The following LUZP2 variants were observed in gnomAD, a reference collection of about 807,000 sequenced individuals.
LUZP2 encodes leucine zipper protein 2.
In LUZP2, 52 loss-of-function variants were observed where a neutral mutation model predicts 51.6. The observed-to-expected ratio is 1.01, with a 90% CI of 0.81 to 1.27. The LOEUF is 1.27. Among genes scored for constraint, LUZP2 ranks in the 50% most tolerant of loss-of-function variants. The pLI is 0.00. For missense variants in LUZP2, 436 were observed against 395.4 expected, an observed-to-expected ratio of 1.10 and a Z score of -0.87; for synonymous variants, 154 against 137.3, an observed-to-expected ratio of 1.12 and a Z score of -0.85.
At chr11:24,984,549 T>TATATATATATATATATA (rs60530495) in intron 9 of LUZP2, among the ~76,000 whole-genome samples, 32 of 71,184 alleles carry the variant, frequency 4.5e-4, no homozygotes, top group African/African-American at 5.3e-4. Context: ...TATATATATA[T>TATATATATATATATATA]AATTGTGAAT....
intron 1 of LUZP2, among the ~76,000 whole-genome samples, chr11:24,704,038 A>T (rs1456434929): frequency 5.3e-5 from 8 of 152,206 alleles, no homozygotes. Flanking sequence ...CCAAAATAAA[A>T]CTTAATAAAA....
chr11:24,927,650 T>A (rs920996730), intron 7 of LUZP2, among the ~76,000 whole-genome samples: 2 of 152,088 alleles, frequency 1.3e-5, no homozygotes, highest in Non-Finnish European at 2.9e-5. Context: ...GGCCTTAGAG[T>A]ATAGTTTGAA....
intron 4 of LUZP2, among the ~76,000 whole-genome samples, chr11:24,749,341 A>G (rs1006430639): frequency 6.6e-6 from 1 of 152,150 alleles, no homozygotes; most frequent in Admixed American, 6.5e-5. Flanking sequence ...TTGTTTTCCC[A>G]CTAGGAGCCT....
At chr11:24,519,467 A>G (rs1269466065) in intron 1 of LUZP2, among the ~76,000 whole-genome samples, 1 of 152,226 alleles carries the variant, frequency 6.6e-6, no homozygotes, top group Non-Finnish European at 1.5e-5. Flanking sequence ...TTTGTGCTGA[A>G]GTCAATTAAA....
At chr11:25,024,516 G>C (rs1296729502) in intron 9 of LUZP2, among the ~76,000 whole-genome samples, 2 of 152,064 alleles carry the variant, frequency 1.3e-5, no homozygotes, top group Non-Finnish European at 2.9e-5. Context: ...GACAAACAGA[G>C]AGCCAAATCA....
chr11:24,701,319 A>G (rs1015665472), intron 1 of LUZP2: 1 of 167,038 alleles, frequency 6.0e-6, no homozygotes, highest in African/African-American at 2.4e-5. Context: ...CAGTAAAGGA[A>G]TAACTCAAGA....
At chr11:24,897,932 A>C (rs1006699658) in intron 5 of LUZP2, among the ~76,000 whole-genome samples, 1 of 152,164 alleles carries the variant, frequency 6.6e-6, no homozygotes, top group Non-Finnish European at 1.5e-5. Flanking sequence ...GAAGAGAATA[A>C]CATAGTGAAA....
intron 7 of LUZP2, among the ~76,000 whole-genome samples, chr11:24,949,055 C>A (rs976178277): frequency 6.6e-6 from 1 of 151,556 alleles, no homozygotes; most frequent in Non-Finnish European, 1.5e-5. Context: ...CCTCAAAACT[C>A]AGTGCTGTAT....
chr11:25,074,012 GCTAAAACATAAAGCAAAGT>G (rs1424152043), intron 10 of LUZP2, among the ~76,000 whole-genome samples: 1 of 152,156 alleles, frequency 6.6e-6, no homozygotes, highest in East Asian at 1.9e-4. Context: ...AAGTATCAGA[GCTAAAACATAAAGCAAAGT>G]CTATTTCACT....
intron 9 of LUZP2, among the ~76,000 whole-genome samples, chr11:25,002,861 G>T (rs908696255): frequency 3.3e-5 from 5 of 152,084 alleles, no homozygotes; most frequent in African/African-American, 1.2e-4. Flanking sequence ...TACTAGATAA[G>T]TATTTGCCCT....
intron 1 of LUZP2, among the ~76,000 whole-genome samples, chr11:24,599,058 GC>G (rs1853538167): frequency 6.6e-6 from 1 of 152,120 alleles, no homozygotes; most frequent in African/African-American, 2.4e-5. Context: ...TTTCCCTGGT[GC>G]TGTACTAATT....
chr11:24,597,188 G>A (rs1036274692), intron 1 of LUZP2, among the ~76,000 whole-genome samples: 2 of 152,146 alleles, frequency 1.3e-5, no homozygotes, highest in Non-Finnish European at 2.9e-5. Flanking sequence ...ATATGTATAA[G>A]CATGTGTATA....
chr11:24,869,022 G>A (rs1323500245), intron 5 of LUZP2, among the ~76,000 whole-genome samples: 1 of 152,126 alleles, frequency 6.6e-6, no homozygotes, highest in East Asian at 1.9e-4. Flanking sequence ...ATCTTTGCCA[G>A]GAGTTTTTGG....
At chr11:24,651,776 C>T (rs1343739530) in intron 1 of LUZP2, among the ~76,000 whole-genome samples, 1 of 152,028 alleles carries the variant, frequency 6.6e-6, no homozygotes, top group African/African-American at 2.4e-5. Context: ...GGTAGGCCTC[C>T]TCCAATCAGT....
chr11:24,816,327 C>T (rs1450315049), intron 5 of LUZP2, among the ~76,000 whole-genome samples: 1 of 151,646 alleles, frequency 6.6e-6, no homozygotes, highest in Admixed American at 6.6e-5. Context: ...ATAGTGTCAC[C>T]TCAACAGTAA....
At chr11:24,558,966 A>T (rs1322003738) in intron 1 of LUZP2, among the ~76,000 whole-genome samples, 1 of 152,168 alleles carries the variant, frequency 6.6e-6, no homozygotes. Context: ...TTAGCAGCAG[A>T]AATGGACTGA....
intron 1 of LUZP2, among the ~76,000 whole-genome samples, chr11:24,600,912 G>A (rs895689600): frequency 1.3e-5 from 2 of 152,094 alleles, no homozygotes; most frequent in African/African-American, 4.8e-5. Flanking sequence ...TCACCATGGT[G>A]TTACTCATAT....
At chr11:24,869,300 G>A (rs1462104380) in intron 5 of LUZP2, among the ~76,000 whole-genome samples, 1 of 152,180 alleles carries the variant, frequency 6.6e-6, no homozygotes, top group East Asian at 1.9e-4. Context: ...GCTTCAATGA[G>A]CTTCACAGAT....
At chr11:24,928,544 T>C (rs1030436644) in intron 7 of LUZP2, among the ~76,000 whole-genome samples, 1 of 152,232 alleles carries the variant, frequency 6.6e-6, no homozygotes, top group Non-Finnish European at 1.5e-5. Flanking sequence ...TTAATTTGTA[T>C]ATGTTAAACC....
Sources: gnomAD v4.1 joint callset for allele counts (sites outside exome capture counted in the v4.1 genomes callset) on GRCh38, gnomAD v4.1.1 for gene constraint, MANE v1.5 for transcripts, NCBI Gene and HGNC (gene_info 2026-07-23, HGNC 2026-07-21) for gene names.